Variants in RBFOX1 observed in about 807,000 individuals in gnomAD.
RBFOX1 encodes RNA binding fox-1 homolog 1, also known as RNA binding protein fox-1 homolog 1.
In RBFOX1, 8 loss-of-function variants were observed where a neutral mutation model predicts 57.7. The ratio of observed to expected loss-of-function variants is 0.14; its 90% CI spans 0.08 to 0.25. The LOEUF is 0.25. Among genes scored for constraint, RBFOX1 ranks in the 10% least tolerant of loss-of-function variants. The probability of loss-of-function intolerance (pLI) is 1.00; values close to 1 mark genes in which losing one functional copy is unlikely to be tolerated. For missense variants in RBFOX1, 611 were observed against 548.5 expected (o/e 1.11, Z -1.14); for synonymous variants, 326 against 222.4 (o/e 1.47, Z -4.15).
At chr16:5,305,068 C>G (rs1304432995) in intron 1 of RBFOX1, among the ~76,000 whole-genome samples, 3 of 152,042 alleles carry the variant, frequency 2.0e-5, no homozygotes, top group African/African-American at 7.2e-5. Flanking sequence ...TGTAGTGACT[C>G]AGGTGGGCTT....
intron 2 of RBFOX1, among the ~76,000 whole-genome samples, chr16:6,422,635 C>T (rs1397973203): frequency 6.6e-6 from 1 of 152,112 alleles, no homozygotes; most frequent in Non-Finnish European, 1.5e-5. Flanking sequence ...AGTAAGGTGA[C>T]TCACATGGCA....
At chr16:6,960,016 G>C (rs1187739146) in intron 3 of RBFOX1, among the ~76,000 whole-genome samples, 1 of 152,160 alleles carries the variant, frequency 6.6e-6, no homozygotes, top group Non-Finnish European at 1.5e-5. Flanking sequence ...CCCCCCAAGA[G>C]TTTTGCCTAG....
intron 4 of RBFOX1, among the ~76,000 whole-genome samples, chr16:7,279,478 C>T (rs552945000): frequency 9.2e-5 from 14 of 152,324 alleles, no homozygotes; most frequent in African/African-American, 2.4e-4. Flanking sequence ...CAGGCCTGAG[C>T]GCAGCGTCCA....
chr16:7,051,549 G>T (rs1479578172), intron 3 of RBFOX1, among the ~76,000 whole-genome samples: 1 of 152,234 alleles, frequency 6.6e-6, no homozygotes, highest in Non-Finnish European at 1.5e-5. Flanking sequence ...ATCCTATGGG[G>T]ACTTACTACC....
intron 3 of RBFOX1, among the ~76,000 whole-genome samples, chr16:6,838,775 C>G (rs939736381): frequency 2.0e-5 from 3 of 152,144 alleles, no homozygotes; most frequent in African/African-American, 4.8e-5. Context: ...TAGTGTCATA[C>G]AAATGTACAT....
intron 4 of RBFOX1, among the ~76,000 whole-genome samples, chr16:7,362,709 A>G (rs749279150): frequency 2.6e-5 from 4 of 151,982 alleles, no homozygotes; most frequent in Non-Finnish European, 5.9e-5. Flanking sequence ...TTGTGTATGC[A>G]TGCTAGTGTG....
intron 3 of RBFOX1, chr16:6,775,641 T>C (rs1489200170): frequency 3.3e-5 from 5 of 152,162 alleles, no homozygotes; most frequent in Non-Finnish European, 7.3e-5. Context: ...TCTGTCCCCT[T>C]ACAGAGAAAG....
At chr16:6,962,127 C>CT (rs1410006904) in intron 3 of RBFOX1, among the ~76,000 whole-genome samples, 1 of 152,162 alleles carries the variant, frequency 6.6e-6, no homozygotes, top group African/African-American at 2.4e-5. Flanking sequence ...ACCATATTTC[C>CT]TCTGAAGTCT....
intron 3 of RBFOX1, among the ~76,000 whole-genome samples, chr16:6,679,889 T>G (rs1245634790): frequency 1.2e-4 from 6 of 49,020 alleles, no homozygotes; most frequent in African/African-American, 2.3e-4. Flanking sequence ...TTTTTTTTTT[T>G]TTTTTTTTTT....
chr16:7,332,525 T>C (rs1315414416), intron 4 of RBFOX1, among the ~76,000 whole-genome samples: 1 of 152,134 alleles, frequency 6.6e-6, no homozygotes, highest in East Asian at 1.9e-4. Flanking sequence ...GAGGCGATAA[T>C]CACATTAATT....
intron 4 of RBFOX1, among the ~76,000 whole-genome samples, chr16:5,908,508 A>G (rs1422272466): frequency 2.6e-5 from 4 of 151,876 alleles, no homozygotes; most frequent in Non-Finnish European, 1.5e-5. Flanking sequence ...GCCTGCCACC[A>G]TGCCCGGCTA....
chr16:5,738,811 C>G (rs2052673454), intron 3 of RBFOX1, among the ~76,000 whole-genome samples: 1 of 152,064 alleles, frequency 6.6e-6, no homozygotes, highest in South Asian at 2.1e-4. Context: ...CAGTGGAATG[C>G]CAAACATTAG....
At chr16:6,689,819 T>G (rs2059954131) in intron 3 of RBFOX1, among the ~76,000 whole-genome samples, 1 of 152,218 alleles carries the variant, frequency 6.6e-6, no homozygotes, top group Non-Finnish European at 1.5e-5. Flanking sequence ...ACAGACTTCT[T>G]GAGCGAGGGC....
chr16:5,485,000 C>T (rs955880902), intron 2 of RBFOX1, among the ~76,000 whole-genome samples: 3 of 151,854 alleles, frequency 2.0e-5, no homozygotes, highest in Non-Finnish European at 2.9e-5. Flanking sequence ...TTGAAGCTTC[C>T]GTGAGCTATG....
intron 3 of RBFOX1, among the ~76,000 whole-genome samples, chr16:7,006,164 T>A (rs11646359): frequency 0.65 from 98,536 of 151,992 alleles, 33,428 homozygotes; most frequent in East Asian, 0.81. Context: ...TTATTTATTT[T>A]TTTTTGAGAT....
chr16:5,737,604 T>A (rs975331034), intron 3 of RBFOX1, among the ~76,000 whole-genome samples: 4 of 151,788 alleles, frequency 2.6e-5, no homozygotes, highest in African/African-American at 9.7e-5. Context: ...CTCTTTATCC[T>A]GCTTTTTGTA....
chr16:6,087,732 AC>A (rs2096109280), intron 1 of RBFOX1, among the ~76,000 whole-genome samples: 1 of 149,536 alleles, frequency 6.7e-6, no homozygotes, highest in Admixed American at 6.7e-5. Flanking sequence ...GGCTCACTGC[AC>A]CCTGTGTCTC....
intron 3 of RBFOX1, among the ~76,000 whole-genome samples, chr16:7,000,511 G>A (rs893377493): frequency 6.6e-6 from 1 of 151,138 alleles, no homozygotes; most frequent in Admixed American, 6.6e-5. Context: ...GTTAAATTCA[G>A]AAGTTTGATG....
At chr16:7,500,248 G>A (rs2070276771) in intron 4 of RBFOX1, among the ~76,000 whole-genome samples, 1 of 152,176 alleles carries the variant, frequency 6.6e-6, no homozygotes, top group Non-Finnish European at 1.5e-5. Flanking sequence ...GTCAGTTACT[G>A]ATCTTGGCTC....
Sources: allele counts gnomAD v4.1 joint callset (sites outside exome capture counted in the v4.1 genomes callset), GRCh38; gene constraint gnomAD v4.1.1; transcripts MANE v1.5; gene names NCBI Gene and HGNC (gene_info 2026-07-23, HGNC 2026-07-21).